Variants in OSR2 observed in about 807,000 individuals in gnomAD.
The protein encoded by OSR2 is protein odd-skipped-related 2.
In OSR2, 8 loss-of-function variants were observed where a neutral mutation model predicts 22.3. The observed-to-expected ratio is 0.36, with a 90% CI of 0.21 to 0.65. The LOEUF is 0.65. OSR2 is among the 30% of genes least tolerant of loss of function. OSR2 has a pLI of 0.66. For synonymous variants in OSR2, 179 were observed against 173.8 expected, an observed-to-expected ratio of 1.03 and a Z score of -0.23; for missense variants, 311 against 413.4, an observed-to-expected ratio of 0.75 and a Z score of 2.15.
At position 98,951,735 on chromosome 8, in the gene OSR2, TCCCCTCCCCAGACACCTCTC is replaced by T; in HGVS notation, c.*36_*55del. 5.7e-6 allele frequency: 9 copies of T among 1,581,852 alleles called. No individual in the cohort carries two copies. The highest frequency in any genetic ancestry group is 7.7e-6 in the Non-Finnish European group (9 of 1,165,012). ...AGGATCTGTCCCGTGCCGCCGCTGC[TCCCCTCCCCAGACACCTCTC>T]CACGTCTCCTACCCAGGGGGTCGCA... is the stretch of plus-strand genomic sequence containing the variant. On this transcript the variant is annotated 3_prime_UTR_variant, in exon 4 of 4. Transcript: ENST00000297565.
Position 98,949,504 on chromosome 8 carries a change from C to T in OSR2, c.552C>T (p.Ser184=), listed in dbSNP as rs745486458. ...TTTGCGGCAGACACTTTACCAAATC[C>T]TACAATTTGCTCATCCATGAGAGGA... ...CKFCGRHFTK[S]YNLLIHERTH... Residue 184 remains serine, a synonymous_variant, in exon 2 of 4, where the codon TCC becomes TCT. Transcript: ENST00000297565. This position sits in a 1 kb window ranked among gnomAD's most constrained non-coding sequence, Gnocchi z 5.9. 3.7e-6 allele frequency: 6 copies of T among 1,614,086 alleles called. No individual in the cohort carries two copies. The highest frequency in any genetic ancestry group is 3.3e-5 in the Admixed American group (2 of 60,036).
At chr8:98,946,771 C>T (rs1235405103) in intron 1 of OSR2, among the ~76,000 whole-genome samples, 1 of 152,114 alleles carries the variant, frequency 6.6e-6, no homozygotes. Context: ...GCTCCCCCCT[C>T]CCCAACGCAT....
intron 2 of OSR2, among the ~76,000 whole-genome samples, chr8:98,950,268 T>C (rs1238304884): frequency 2.0e-5 from 3 of 152,172 alleles, no homozygotes; most frequent in Non-Finnish European, 4.4e-5. Context: ...GAGATGAGAC[T>C]TCTGTACCCA....
chr8:98,947,679 G>A (rs906533590), intron 1 of OSR2, among the ~76,000 whole-genome samples: 3 of 152,290 alleles, frequency 2.0e-5, no homozygotes, highest in Non-Finnish European at 4.4e-5. Context: ...CACGGAGAGA[G>A]GGGAAGCGCC....
chr8:98,947,578 T>G (rs535455107), intron 1 of OSR2, among the ~76,000 whole-genome samples: 65 of 152,100 alleles, frequency 4.3e-4, no homozygotes, highest in Non-Finnish European at 9.1e-4. Flanking sequence ...AAAAAGGGGC[T>G]GGTAGTGGGA....
rs759418716 is a variant in OSR2 at position 98,950,834 on chromosome 8, ACT to A, written c.756+82_756+83del. The A allele has an allele frequency of 1.6e-5, 14 of 884,822 alleles. No homozygotes were observed. The East Asian group carries it at 2.9e-4, about 18-fold the overall frequency. The allele number at this position is 884,822 out of a possible 1,614,324, so 54.8% of individuals were successfully genotyped here. On this transcript the variant is annotated intron_variant, in intron 3 of 3. Coordinates refer to ENST00000297565, the MANE Select transcript of OSR2 (RefSeq NM_001142462.3). ...CTTTGCAAAAGGTGTTCAATGGCAG[ACT>A]CTTTCTCTTAAAAGGCTCTATTTAG...
At chr8:98,947,897 C>T (rs987239225) in intron 1 of OSR2, among the ~76,000 whole-genome samples, 11 of 152,252 alleles carry the variant, frequency 7.2e-5, no homozygotes, top group African/African-American at 2.4e-4. Flanking sequence ...CCTGGGGCAT[C>T]CCGGGTGGAG....
rs560911414 is a variant in OSR2, at chr8:98,948,375, C to G, written c.-114-464C>G. 15 of 1,489,108 alleles carry G rather than the reference C, an allele frequency of 1.0e-5. No homozygotes were observed. Among genetic ancestry groups the G allele is most frequent in the Non-Finnish European group, 1.2e-5 (14 of 1,121,624 alleles). 92.2% of individuals were successfully genotyped at this position (1,489,108 alleles called of 1,614,324 possible). A position where few individuals can be genotyped will look rare whatever the true frequency, so the allele number is the denominator to read the frequency against. On this transcript the variant is annotated intron_variant, in intron 1 of 3. Transcript: ENST00000297565. The surrounding 1 kb of genome is among the most constrained non-coding windows in gnomAD (Gnocchi z 6.0). The stretch of plus-strand genomic sequence containing the variant: ...AGCGCGTGGGATCTCACGACCCATC[C>G]GTTAACCCACCGTTCCCAGGAGCTC...
intron 1 of OSR2, among the ~76,000 whole-genome samples, chr8:98,946,733 T>G (rs1461120831): frequency 1.3e-5 from 2 of 152,250 alleles, no homozygotes; most frequent in Non-Finnish European, 2.9e-5. Context: ...CAACAGTACT[T>G]TAGCCAACAC....
chr8:98,948,457 G>C lies in OSR2; in HGVS notation c.-114-382G>C. 9.2e-7 allele frequency: 1 copy of C among 1,084,044 alleles called. No homozygotes were observed. The highest frequency in any genetic ancestry group is 1.1e-6 in the Non-Finnish European group (1 of 878,376). 67.2% of individuals were successfully genotyped at this position (1,084,044 alleles called of 1,614,324 possible). On this transcript the variant is annotated intron_variant, in intron 1 of 3. Coordinates refer to ENST00000297565, the MANE Select transcript of OSR2 (RefSeq NM_001142462.3). This position sits in a 1 kb window ranked among gnomAD's most constrained non-coding sequence, Gnocchi z 6.0. The stretch of plus-strand genomic sequence containing the variant: ...GCCTGCTAGCATTGGCATTGCGGTT[G>C]ACTGAGCTTCGCCTAACAGGCTTGG...
In OSR2 at chr8:98,949,045, G is replaced by C. The variant is rs779308140; in HGVS notation, c.93G>C (p.Pro31=). 1 of 1,613,778 alleles carries C rather than the reference G, an allele frequency of 6.2e-7. No homozygotes were observed. The highest frequency in any genetic ancestry group is 1.3e-5 in the African/African-American group (1 of 74,934). ...TCCTGCAGGCCGTGAACACCTTCCC[G>C]GCCACGGTGGACCACCTGCAGGGCC... ...YSFLQAVNTF[P]ATVDHLQGLY... is the part of the protein sequence containing the mutation. Residue 31 remains proline (P), a synonymous_variant, in exon 2 of 4, where the codon CCG becomes CCC. Coordinates refer to ENST00000297565, the MANE Select transcript of OSR2 (RefSeq NM_001142462.3). The surrounding 1 kb of genome is among the most constrained non-coding windows in gnomAD (Gnocchi z 5.9).
rs866321090 is a variant in OSR2, at chr8:98,948,719, G to T, written c.-114-120G>T. The T allele has an allele frequency of 1.0e-4, 130 of 1,264,096 alleles. No homozygotes were observed. Among genetic ancestry groups the T allele is most frequent in the Middle Eastern group, 5.6e-4 (2 of 3,594 alleles). The allele number at this position is 1,264,096 out of a possible 1,614,324, so 78.3% of individuals were successfully genotyped here. On this transcript the variant is annotated intron_variant, in intron 1 of 3. Coordinates refer to ENST00000297565, the MANE Select transcript of OSR2 (RefSeq NM_001142462.3). This position sits in a 1 kb window ranked among gnomAD's most constrained non-coding sequence, Gnocchi z 6.0. ...GCAGTCCCCTCACGGCTTTCGGGGG[G>T]TCTTGGAGTCGGGTGGGGAGGGAGA...
Position 98,950,741 on chromosome 8 carries a change from A to G in OSR2, c.742A>G (p.Thr248Ala). 1.2e-6 allele frequency: 2 copies of G among 1,610,336 alleles called. No individual in the cohort carries two copies. The highest frequency in any genetic ancestry group is 1.7e-6 in the Non-Finnish European group (2 of 1,177,272). The stretch of plus-strand genomic sequence containing the variant: ...GTCTAGAACTCTAGCAGTTCACAAA[A>G]CTTTACACATGCAGGTAAGTTTGTT... Reference protein sequence around the residue: ...CQSRTLAVHKTLHMQESPHKC... With the variant: ...CQSRTLAVHKALHMQESPHKC... Residue 248 changes from threonine to alanine, a missense_variant, in exon 3 of 4, where the codon ACT becomes GCT. Physicochemically the swap from Thr to Ala is moderately conservative, Grantham distance 58. Around this residue, in one of 5 missense-constraint regions of OSR2, gnomAD observed 70 missense variants for 84.5 expected, o/e 0.83. Coordinates refer to ENST00000297565, the MANE Select transcript of OSR2 (RefSeq NM_001142462.3).
Position 98,948,738 on chromosome 8 carries a change from A to G in OSR2, c.-114-101A>G. On this transcript the variant is annotated intron_variant, in intron 1 of 3. Coordinates refer to ENST00000297565, the MANE Select transcript of OSR2 (RefSeq NM_001142462.3). The surrounding 1 kb of genome is among the most constrained non-coding windows in gnomAD (Gnocchi z 6.0). ...CGGGGGGTCTTGGAGTCGGGTGGGG[A>G]GGGAGACTTAGGTGTGGTAACCTGC... 7.4e-7 allele frequency: 1 copy of G among 1,347,286 alleles called. No individual in the cohort carries two copies. Among genetic ancestry groups the G allele is most frequent in the Non-Finnish European group, 9.9e-7 (1 of 1,014,764 alleles). 83.5% of individuals were successfully genotyped at this position (1,347,286 alleles called of 1,614,324 possible).
At chr8:98,950,403 G>A (rs1840746299) in intron 2 of OSR2, among the ~76,000 whole-genome samples, 1 of 152,128 alleles carries the variant, frequency 6.6e-6, no homozygotes, top group African/African-American at 2.4e-5. Flanking sequence ...CCCGTTCAGC[G>A]GGGTTTCGAG....
chr8:98,948,219 T>TGCGGG lies in OSR2; in HGVS notation c.-114-616_-114-612dup. ...GGAAAAAGAAAACCTCCGAGGTCAG[T>TGCGGG]GCGGGGCGAGGTGAGCCCCTCCCAG... On this transcript the variant is annotated intron_variant, in intron 1 of 3. Transcript: ENST00000297565. The surrounding 1 kb of genome is among the most constrained non-coding windows in gnomAD (Gnocchi z 6.0). 1 of 1,459,432 alleles carries TGCGGG rather than the reference T, an allele frequency of 6.9e-7. No homozygotes were observed. Among genetic ancestry groups the TGCGGG allele is most frequent in the South Asian group, 1.3e-5 (1 of 75,214 alleles). 90.4% of individuals were successfully genotyped at this position (1,459,432 alleles called of 1,614,324 possible).
rs761825948 is a variant in OSR2 at position 98,950,764 on chromosome 8, G to A, written c.756+9G>A. 1.9e-6 allele frequency: 3 copies of A among 1,580,776 alleles called. No homozygotes were observed. Among genetic ancestry groups the A allele is most frequent in the South Asian group, 2.2e-5 (2 of 88,896 alleles). On this transcript the variant is annotated intron_variant, in intron 3 of 3. Transcript: ENST00000297565. ...AAACTTTACACATGCAGGTAAGTTT[G>A]TTTTCTTGTTTAAAAACAGTGGCTG...
rs896673962 is a variant in OSR2 at position 98,948,717 on chromosome 8, G to C, written c.-114-122G>C. On this transcript the variant is annotated intron_variant, in intron 1 of 3. Transcript: ENST00000297565. The surrounding 1 kb of genome is among the most constrained non-coding windows in gnomAD (Gnocchi z 6.0). ...ACGCAGTCCCCTCACGGCTTTCGGG[G>C]GGTCTTGGAGTCGGGTGGGGAGGGA... 1.2e-5 allele frequency: 15 copies of C among 1,247,436 alleles called. No individual in the cohort carries two copies. Among genetic ancestry groups the C allele is most frequent in the Non-Finnish European group, 1.6e-5 (15 of 927,136 alleles). 77.3% of individuals were successfully genotyped at this position (1,247,436 alleles called of 1,614,324 possible). A position where few individuals can be genotyped will look rare whatever the true frequency, so the allele number is the denominator to read the frequency against.
At chr8:98,950,866 G>A (rs1168165851) in intron 3 of OSR2, 111 bp downstream of exon 3, 2 of 729,240 alleles carry the variant, frequency 2.7e-6, no homozygotes, top group Non-Finnish European at 4.9e-6. Context: ...ATTTAGATTA[G>A]TTCTCTAGGT....
Sources: gnomAD v4.1 joint callset for allele counts (sites outside exome capture counted in the v4.1 genomes callset) on GRCh38, gnomAD v4.1.1 for gene constraint, gnomAD v4.1.1 regional missense constraint, Gnocchi (gnomAD v3.1) non-coding constraint, MANE v1.5 for transcripts, NCBI Gene and HGNC (gene_info 2026-07-23, HGNC 2026-07-21) for gene names.